The following SLC3A2 variants were observed in gnomAD, a reference collection of about 807,000 sequenced individuals.
SLC3A2 encodes amino acid transporter heavy chain SLC3A2.
A neutral mutation model predicts 48.5 loss-of-function variants in SLC3A2; 32 were observed. The ratio of observed to expected loss-of-function variants is 0.66; its 90% CI spans 0.50 to 0.89. SLC3A2 has a LOEUF of 0.89. SLC3A2 is among the 40% of genes least tolerant of loss of function. The probability of loss-of-function intolerance (pLI) is 0.00; values close to 1 mark genes in which losing one functional copy is unlikely to be tolerated. For missense variants in SLC3A2, 587 were observed against 680.7 expected (o/e 0.86, Z 1.53); for synonymous variants, 277 against 288.8 (o/e 0.96, Z 0.41).
At chr11:62,870,247 T>C (rs907095529) in intron 1 of SLC3A2, among the ~76,000 whole-genome samples, 7 of 151,898 alleles carry the variant, frequency 4.6e-5, no homozygotes, top group Non-Finnish European at 5.9e-5. Context: ...AGTGGCGTGA[T>C]CTCGGCTCAC....
chr11:62,867,113 C>T (rs1268275514), intron 1 of SLC3A2, among the ~76,000 whole-genome samples: 2 of 151,968 alleles, frequency 1.3e-5, no homozygotes, highest in African/African-American at 4.8e-5. Context: ...GCCTCAGCCT[C>T]CTGAGTAGCT....
chr11:62,874,342 T>A (rs921353306), intron 1 of SLC3A2, among the ~76,000 whole-genome samples: 1 of 152,160 alleles, frequency 6.6e-6, no homozygotes, highest in African/African-American at 2.4e-5. Flanking sequence ...TACCCCATAT[T>A]TTCCACATAC....
At chr11:62,875,069 T>C (rs1252783125) in intron 1 of SLC3A2, among the ~76,000 whole-genome samples, 1 of 152,198 alleles carries the variant, frequency 6.6e-6, no homozygotes, top group Non-Finnish European at 1.5e-5. Flanking sequence ...GCCTCATTTT[T>C]CAAATGGCTA....
chr11:62,862,162 C>CA, intron 1 of SLC3A2, among the ~76,000 whole-genome samples: 1 of 148,984 alleles, frequency 6.7e-6, no homozygotes, highest in African/African-American at 2.5e-5. Flanking sequence ...ACTAAAAATA[C>CA]AAAAATTAGC....
At position 62,888,839 on chromosome 11, in the gene SLC3A2, A is replaced by G; in HGVS notation, c.*146A>G. 1.3e-6 allele frequency: 1 copy of G among 753,050 alleles called. No individual in the cohort carries two copies. The highest frequency in any genetic ancestry group is 3.0e-5 in the Admixed American group (1 of 33,562). The allele number at this position is 753,050 out of a possible 1,614,324, so 46.6% of individuals were successfully genotyped here. On this transcript the variant is annotated 3_prime_UTR_variant, in exon 9 of 9. Coordinates refer to ENST00000338663, the MANE Select transcript of SLC3A2 (RefSeq NM_001013251.3). ...ATAGGGTGTTTTCTGCCTTCAAATA[A>G]AAGTCACCCCTGCATGGTGAAGTCT... is the stretch of plus-strand genomic sequence containing the variant.
intron 1 of SLC3A2, chr11:62,871,775 C>T: frequency 2.5e-6 from 1 of 397,746 alleles, no homozygotes; most frequent in Admixed American, 4.2e-5. Context: ...CTGCCCTTTT[C>T]TCTTGCACAT....
intron 5 of SLC3A2, 133 bp from the exon 6 acceptor site, chr11:62,885,044 C>T (rs1365445203): frequency 2.2e-6 from 2 of 922,236 alleles, no homozygotes; most frequent in African/African-American, 3.3e-5. Flanking sequence ...TTGGTCAAGC[C>T]AGTCTCGAAC....
rs527292496 is a variant in SLC3A2 at position 62,885,945 on chromosome 11, G to A, written c.1143+337G>A. Reference sequence around the variant, plus strand: ...CAGTGGGTACTGTGCTAGGCTCTGTGCCCTCAGGAGCTCATAGTTTAGTGA... The same window carrying A: ...CAGTGGGTACTGTGCTAGGCTCTGTACCCTCAGGAGCTCATAGTTTAGTGA... On this transcript the variant is annotated intron_variant, in intron 7 of 8. Transcript: ENST00000338663. Among the ~76,000 whole-genome samples, 6 of 152,248 alleles carry A rather than the reference G, an allele frequency of 3.9e-5. No homozygotes were observed. The South Asian group carries it at 1.2e-3, about 32-fold the overall frequency.
In SLC3A2 at chr11:62,888,587, T is replaced by C; in HGVS notation, c.1484T>C (p.Leu495Pro). The change falls in exon 9 of 9, where the codon CTG becomes CCG. Residue 495 changes from leucine to proline, a missense_variant. Coordinates refer to ENST00000338663, the MANE Select transcript of SLC3A2 (RefSeq NM_001013251.3). Reference protein sequence around the residue: ...SASLPAKADLLLSTQPGREEG... With the variant: ...SASLPAKADLPLSTQPGREEG... The stretch of plus-strand genomic sequence containing the variant: ...AGCCTGCCAGCCAAGGCTGACCTCC[T>C]GCTCAGCACCCAGCCAGGCCGTGAG... 6.2e-7 allele frequency: 1 copy of C among 1,613,604 alleles called. No homozygotes were observed. The highest frequency in any genetic ancestry group is 8.5e-7 in the Non-Finnish European group (1 of 1,180,022).
Position 62,881,110 on chromosome 11 carries a change from G to A in SLC3A2, c.87G>A (p.Gly29=), listed in dbSNP as rs746218065. 7 of 1,608,750 alleles carry A rather than the reference G, an allele frequency of 4.4e-6. No homozygotes were observed. In the South Asian group the frequency reaches 5.6e-5, roughly 13 times the overall value. Reference sequence around the variant, plus strand: ...AGCAGCCGATGAACGCGGCGTCTGGGGCGGCCATGTCCCTGGCGGGAGCCG... The same window carrying A: ...AGCAGCCGATGAACGCGGCGTCTGGAGCGGCCATGTCCCTGGCGGGAGCCG... ...PEKQPMNAAS[G]AAMSLAGAEK... Residue 29 remains glycine, a synonymous_variant, in exon 1 of 9, where the codon GGG becomes GGA. Transcript: ENST00000338663. The surrounding 1 kb of genome is among the most constrained non-coding windows in gnomAD (Gnocchi z 4.0).
intron 1 of SLC3A2, among the ~76,000 whole-genome samples, chr11:62,871,906 TTTATTA>T (rs201435681): frequency 6.6e-6 from 1 of 151,444 alleles, no homozygotes; most frequent in African/African-American, 2.4e-5. Context: ...AAATCTTTAT[TTTATTA>T]TTATTATTAT....
intron 2 of SLC3A2, 65 bp downstream of exon 2, chr11:62,882,131 G>T: frequency 6.3e-7 from 1 of 1,583,934 alleles, no homozygotes; most frequent in African/African-American, 1.3e-5. Context: ...AAGTAGGCTA[G>T]AACTTTTGTC....
At chr11:62,884,927 G>A (rs2085689889) in intron 5 of SLC3A2, among the ~76,000 whole-genome samples, 1 of 134,454 alleles carries the variant, frequency 7.4e-6, no homozygotes, top group Non-Finnish European at 1.5e-5. Flanking sequence ...TGCCTCCTGG[G>A]TTCAAGCGAT....
chr11:62,862,790 GGA>G (rs1366420209), intron 1 of SLC3A2, among the ~76,000 whole-genome samples: 25 of 152,274 alleles, frequency 1.6e-4, no homozygotes, highest in African/African-American at 5.8e-4. Context: ...AGAGAGGTCT[GGA>G]GAGTGTTTGT....
At chr11:62,884,597 T>G (rs201518676) in intron 4 of SLC3A2, 35 bp from the exon 5 acceptor site, 2 of 1,612,776 alleles carry the variant, frequency 1.2e-6, no homozygotes, top group East Asian at 4.5e-5. Flanking sequence ...CCTCATAATA[T>G]TCTCTGGTCC....
intron 1 of SLC3A2, among the ~76,000 whole-genome samples, chr11:62,856,919 G>A (rs1397570451): frequency 6.6e-6 from 1 of 151,452 alleles, no homozygotes; most frequent in Non-Finnish European, 1.5e-5. Flanking sequence ...CACCTCCCGG[G>A]TTCAAGCAAT....
chr11:62,885,675 TG>T, intron 7 of SLC3A2, 67 bp downstream of exon 7: 1 of 1,563,532 alleles, frequency 6.4e-7, no homozygotes. Context: ...ATTCTGGGGA[TG>T]GCGGCACATA....
rs73487880 is a variant in SLC3A2, at chr11:62,883,981, T to C, written c.691-476T>C. ...TCTGAGCAGTTATTGTACTCACACC[T>C]TCCCCAGGCCTCAGGAAACTGGGAG... On this transcript the variant is annotated intron_variant, in intron 3 of 8. Transcript: ENST00000338663. 3,760 of 456,604 alleles carry C rather than the reference T, an allele frequency of 8.2e-3. 110 individuals carry two copies. The highest frequency in any genetic ancestry group is 0.067 in the African/African-American group (3,377 of 50,198). The allele number at this position is 456,604 out of a possible 1,614,324, so 28.3% of individuals were successfully genotyped here. A position where few individuals can be genotyped will look rare whatever the true frequency, so the allele number is the denominator to read the frequency against.
At chr11:62,869,550 T>C (rs1460451526) in intron 1 of SLC3A2, among the ~76,000 whole-genome samples, 1 of 134,816 alleles carries the variant, frequency 7.4e-6, no homozygotes, top group Non-Finnish European at 1.6e-5. Context: ...AAAAAAAGAA[T>C]AGAATTTCTA....
Sources: allele counts gnomAD v4.1 joint callset (sites outside exome capture counted in the v4.1 genomes callset), GRCh38; gene constraint gnomAD v4.1.1; non-coding constraint Gnocchi (gnomAD v3.1); transcripts MANE v1.5; gene names NCBI Gene and HGNC (gene_info 2026-07-23, HGNC 2026-07-21).